The following DAB1 variants were observed in gnomAD, a reference collection of about 807,000 sequenced individuals.
DAB1 encodes disabled homolog 1.
Under a neutral mutation model 64.6 loss-of-function variants are expected in DAB1, and 15 were observed. That is an observed-to-expected ratio of 0.23 (90% CI 0.16 to 0.36). DAB1 has a LOEUF of 0.36. Among genes scored for constraint, DAB1 ranks in the 10% least tolerant of loss-of-function variants. The pLI, the probability that DAB1 is intolerant of heterozygous loss-of-function variation, is 1.00. For synonymous variants in DAB1, 235 were observed against 251.9 expected (o/e 0.93, Z 0.64); for missense variants, 596 against 706.7 (o/e 0.84, Z 1.78).
intron 9 of DAB1, among the ~76,000 whole-genome samples, chr1:57,056,213 T>TTAAGGCCAGGTGGAGTGGCTC (rs1649737284): frequency 6.6e-6 from 1 of 151,844 alleles, no homozygotes; most frequent in Non-Finnish European, 1.5e-5. Flanking sequence ...TAAAATGTGG[T>TTAAGGCCAGGTGGAGTGGCTC]TAAGGCCAGG....
chr1:57,533,404 AC>A lies in DAB1; in HGVS notation n.625+116187del, dbSNP rs574351599. 3.4e-4 allele frequency among the ~76,000 whole-genome samples: 51 copies of A among 150,508 alleles called. No individual in the cohort carries two copies. The South Asian group carries it at 0.011, about 32-fold the overall frequency. On this transcript the variant is annotated intron_variant and non_coding_transcript_variant, in intron 7 of 20. Coordinates refer to the DAB1 transcript ENST00000485760. Reference sequence around the variant, plus strand: ...TTAAAGTTTAATGATTTTTTTTTTTACTTTTTAATGCTTTCCCAAAAAATTT... The same window carrying A: ...TTAAAGTTTAATGATTTTTTTTTTTATTTTTAATGCTTTCCCAAAAAATTT...
intron 5 of DAB1, among the ~76,000 whole-genome samples, chr1:58,057,846 C>T (rs551063960): frequency 3.0e-4 from 45 of 152,194 alleles, no homozygotes; most frequent in African/African-American, 1.1e-3. Context: ...ACCTCCAGGT[C>T]CTTGCATAAG....
intron 1 of DAB1, among the ~76,000 whole-genome samples, chr1:57,836,550 G>A (rs1319382650): frequency 6.6e-6 from 1 of 152,068 alleles, no homozygotes; most frequent in Non-Finnish European, 1.5e-5. Context: ...AGGGAACCAG[G>A]GGCTGACTCA....
At chr1:58,247,265 C>CCCA (rs1272029951) in intron 4 of DAB1, among the ~76,000 whole-genome samples, 5 of 118,548 alleles carry the variant, frequency 4.2e-5, no homozygotes, top group Admixed American at 9.7e-5. Context: ...ATTTCCCCCC[C>CCCA]CGCCAGGTTA....
intron 3 of DAB1, among the ~76,000 whole-genome samples, chr1:57,137,858 G>A (rs1025365208): frequency 1.3e-5 from 2 of 152,136 alleles, no homozygotes; most frequent in Non-Finnish European, 2.9e-5. Context: ...TTCTGTTGAG[G>A]ATGTTTGATT....
At chr1:58,210,912 A>G (rs1013332237) in intron 4 of DAB1, among the ~76,000 whole-genome samples, 1 of 152,196 alleles carries the variant, frequency 6.6e-6, no homozygotes, top group African/African-American at 2.4e-5. Context: ...ACTTTCTCTG[A>G]GAACATGTTA....
chr1:58,264,825 A>G (rs1168327178), intron 4 of DAB1, among the ~76,000 whole-genome samples: 1 of 152,208 alleles, frequency 6.6e-6, no homozygotes, highest in Non-Finnish European at 1.5e-5. Flanking sequence ...GGCCACCTCT[A>G]TTCTAATTCT....
At chr1:57,471,750 G>T (rs1276058502) in intron 7 of DAB1, among the ~76,000 whole-genome samples, 2 of 152,160 alleles carry the variant, frequency 1.3e-5, no homozygotes. Context: ...TCTTTCTTTT[G>T]TAAATTACCC....
intron 3 of DAB1, among the ~76,000 whole-genome samples, chr1:58,433,590 A>AGTGTGT (rs1443326796): frequency 9.2e-6 from 1 of 108,626 alleles, no homozygotes; most frequent in African/African-American, 4.5e-5. Flanking sequence ...AGAGAGAGAG[A>AGTGTGT]GAGAGAGTGT....
At chr1:57,797,999 T>C (rs190004847) in intron 6 of DAB1, among the ~76,000 whole-genome samples, 22 of 152,348 alleles carry the variant, frequency 1.4e-4, no homozygotes, top group South Asian at 1.2e-3. Flanking sequence ...GGGGATTAGA[T>C]CACTAAATCC....
At chr1:57,731,804 C>CA (rs34262128) in intron 6 of DAB1, among the ~76,000 whole-genome samples, 67,162 of 147,376 alleles carry the variant, frequency 0.46, 15,169 homozygotes, top group Admixed American at 0.52. Context: ...GATGCTGTCT[C>CA]AAAAAAAAAA....
chr1:57,069,090 T>C (rs1333853947), intron 8 of DAB1, among the ~76,000 whole-genome samples: 1 of 152,220 alleles, frequency 6.6e-6, no homozygotes, highest in Non-Finnish European at 1.5e-5. Flanking sequence ...AATGTATTAC[T>C]TTAGTAAAAT....
At position 57,187,720 on chromosome 1, in the gene DAB1, G is replaced by A. The variant is rs12070754; in HGVS notation, c.68-42291C>T. 3.1e-3 allele frequency among the ~76,000 whole-genome samples: 466 copies of A among 151,114 alleles called. 2 individuals are homozygous for A. The highest frequency in any genetic ancestry group is 0.01 in the African/African-American group (431 of 41,470). ...AGAGGTTAAGAAACTTGCCAACAAC[G>A]ACTTGTGTCATAAATCGTGAAGCTG... On this transcript the variant is annotated intron_variant, in intron 2 of 14. Transcript: ENST00000371236.
At chr1:58,314,048 C>A (rs942913212) in intron 4 of DAB1, among the ~76,000 whole-genome samples, 1 of 152,170 alleles carries the variant, frequency 6.6e-6, no homozygotes, top group Non-Finnish European at 1.5e-5. Context: ...TTGCCTCAGT[C>A]TCCTTTCTTG....
chr1:57,687,614 A>AAG, intron 6 of DAB1, among the ~76,000 whole-genome samples: 1 of 150,100 alleles, frequency 6.7e-6, no homozygotes, highest in Admixed American at 6.6e-5. Flanking sequence ...AAAAAAAAAA[A>AAG]AAAAAGAAAA....
intron 4 of DAB1, among the ~76,000 whole-genome samples, chr1:58,226,948 G>A (rs1659529279): frequency 2.0e-5 from 3 of 152,176 alleles, no homozygotes; most frequent in Admixed American, 6.5e-5. Context: ...TTGCCATTAA[G>A]TACCAGGCAT....
intron 9 of DAB1, among the ~76,000 whole-genome samples, chr1:57,056,193 A>G (rs1478690158): frequency 1.3e-5 from 2 of 152,108 alleles, no homozygotes; most frequent in African/African-American, 4.8e-5. Context: ...CTGCTCCATG[A>G]TTACCACAAT....
At chr1:57,806,392 G>A (rs1442333875) in intron 6 of DAB1, among the ~76,000 whole-genome samples, 3 of 152,166 alleles carry the variant, frequency 2.0e-5, no homozygotes, top group African/African-American at 7.2e-5. Context: ...TTGTGAAAAG[G>A]GGGCATCTGG....
intron 2 of DAB1, among the ~76,000 whole-genome samples, chr1:57,274,493 C>G (rs1052299062): frequency 4.6e-5 from 7 of 152,182 alleles, no homozygotes; most frequent in Admixed American, 2.6e-4. Flanking sequence ...TCAATAAATA[C>G]TAGCCATCAC....
Sources: allele counts gnomAD v4.1 joint callset (sites outside exome capture counted in the v4.1 genomes callset), GRCh38; gene constraint gnomAD v4.1.1; transcripts MANE v1.5; gene names NCBI Gene and HGNC (gene_info 2026-07-23, HGNC 2026-07-21).